PTPRD: variants seen among roughly 807,000 people sequenced by gnomAD.
The protein encoded by PTPRD is protein tyrosine phosphatase receptor type D.
In PTPRD, 34 loss-of-function variants were observed where a neutral mutation model predicts 214.5. The ratio of observed to expected loss-of-function variants is 0.16; its 90% CI spans 0.12 to 0.21. The LOEUF (loss-of-function observed/expected upper bound fraction) is 0.21, where lower values mean the gene tolerates loss of function less well. PTPRD is among the 10% of genes least tolerant of loss of function. The probability of loss-of-function intolerance (pLI) is 1.00; values close to 1 mark genes in which losing one functional copy is unlikely to be tolerated. For synonymous variants in PTPRD, 1,128 were observed against 845.7 expected (o/e 1.33, Z -5.79); for missense variants, 2,545 against 2,398.7 (o/e 1.06, Z -1.27).
Position 10,345,331 on chromosome 9 carries a change from T to C in PTPRD, c.-599-4314A>G, listed in dbSNP as rs140638514. 5.4e-3 allele frequency among the ~76,000 whole-genome samples: 822 copies of C among 152,266 alleles called. 14 individuals are homozygous for C. The highest frequency in any genetic ancestry group is 0.038 in the Admixed American group (585 of 15,276). On this transcript the variant is annotated intron_variant, in intron 2 of 45. Transcript: ENST00000381196. Reference sequence around the variant, plus strand: ...TGGGATATATGGCAGGTTTGTTACATAGGTATACACATGCCATCGTGGTTT... The same window carrying C: ...TGGGATATATGGCAGGTTTGTTACACAGGTATACACATGCCATCGTGGTTT...
chr9:9,311,360 G>A (rs992481455), intron 9 of PTPRD, among the ~76,000 whole-genome samples: 1 of 152,202 alleles, frequency 6.6e-6, no homozygotes, highest in South Asian at 2.1e-4. Context: ...TGAATATTAT[G>A]TACAGCTACC....
At chr9:10,259,886 A>T (rs1178296468) in intron 3 of PTPRD, among the ~76,000 whole-genome samples, 2 of 151,618 alleles carry the variant, frequency 1.3e-5, no homozygotes, top group African/African-American at 4.9e-5. Flanking sequence ...TCCTGCATGA[A>T]CTCCCTCTGT....
chr9:9,234,694 C>T (rs564974138), intron 9 of PTPRD, among the ~76,000 whole-genome samples: 2 of 152,284 alleles, frequency 1.3e-5, no homozygotes, highest in African/African-American at 4.8e-5. Flanking sequence ...GGGCAAAATG[C>T]CTTCAGTCTC....
intron 11 of PTPRD, among the ~76,000 whole-genome samples, chr9:8,801,851 T>C (rs891319172): frequency 3.3e-5 from 5 of 152,228 alleles, no homozygotes; most frequent in Non-Finnish European, 7.3e-5. Flanking sequence ...TAACCCTTAA[T>C]GGTATTACCA....
At chr9:10,438,012 TA>T (rs1478505677) in intron 2 of PTPRD, among the ~76,000 whole-genome samples, 1 of 119,296 alleles carries the variant, frequency 8.4e-6, no homozygotes, top group African/African-American at 6.3e-5. Flanking sequence ...AGTCTACATA[TA>T]TATATATATA....
intron 12 of PTPRD, among the ~76,000 whole-genome samples, chr9:8,689,136 C>T (rs1314767490): frequency 1.3e-5 from 2 of 152,132 alleles, no homozygotes; most frequent in African/African-American, 4.8e-5. Flanking sequence ...CTCTGAGAAT[C>T]ATCCTTACAA....
intron 3 of PTPRD, among the ~76,000 whole-genome samples, chr9:10,300,221 T>A (rs1481286038): frequency 1.3e-5 from 2 of 152,162 alleles, no homozygotes; most frequent in Admixed American, 1.3e-4. Context: ...GAAGATTTGC[T>A]GGCAAGATGG....
At chr9:8,721,480 T>A (rs1009604265) in intron 12 of PTPRD, among the ~76,000 whole-genome samples, 2 of 151,678 alleles carry the variant, frequency 1.3e-5, no homozygotes, top group African/African-American at 4.8e-5. Flanking sequence ...ATTCAAGTAT[T>A]CAAGTGAAAG....
At chr9:9,649,349 ACT>A (rs1255520513) in intron 7 of PTPRD, among the ~76,000 whole-genome samples, 3 of 152,122 alleles carry the variant, frequency 2.0e-5, no homozygotes, top group Admixed American at 2.0e-4. Context: ...TAATGTGTAC[ACT>A]CTATCTGTAA....
At chr9:8,714,870 ATTGT>A (rs1289776020) in intron 12 of PTPRD, among the ~76,000 whole-genome samples, 1 of 151,908 alleles carries the variant, frequency 6.6e-6, no homozygotes, top group African/African-American at 2.4e-5. Flanking sequence ...TATCAATTGT[ATTGT>A]TTATTATATT....
intron 2 of PTPRD, among the ~76,000 whole-genome samples, chr9:10,534,946 T>A (rs1005196320): frequency 6.6e-6 from 1 of 152,158 alleles, no homozygotes; most frequent in Admixed American, 6.6e-5. Flanking sequence ...AATAGCAACA[T>A]TGCAGCCCAC....
intron 14 of PTPRD, among the ~76,000 whole-genome samples, chr9:8,596,408 A>C (rs900727253): frequency 1.3e-5 from 2 of 152,070 alleles, no homozygotes; most frequent in African/African-American, 4.8e-5. Context: ...AAAGATGCTT[A>C]ATATACTACA....
At chr9:8,598,021 G>T (rs1699599600) in intron 14 of PTPRD, among the ~76,000 whole-genome samples, 3 of 152,090 alleles carry the variant, frequency 2.0e-5, no homozygotes, top group African/African-American at 2.4e-5. Flanking sequence ...AAAGAAGATA[G>T]GGGTCTTTTT....
rs200142612 is a variant in PTPRD at position 8,948,406 on chromosome 9, A to AAT, written c.-104+70289_-104+70290dup. 2.4e-3 allele frequency among the ~76,000 whole-genome samples: 139 copies of AAT among 57,116 alleles called. 8 individuals carry two copies. Among genetic ancestry groups the AAT allele is most frequent in the African/African-American group, 8.2e-3 (123 of 15,012 alleles). 37.5% of individuals were successfully genotyped at this position (57,116 alleles called of 152,430 possible). A position where few individuals can be genotyped will look rare whatever the true frequency, so the allele number is the denominator to read the frequency against. On this transcript the variant is annotated intron_variant, in intron 11 of 45. Transcript: ENST00000381196. ...TTATTGGTATGTCCATTGGGTTTAAAATATATATATATATATATTTATATA... is the reference window on the plus strand; with the variant it reads ...TTATTGGTATGTCCATTGGGTTTAAAATATATATATATATATATATTTATATA...
chr9:9,513,168 A>T (rs2154247009), intron 8 of PTPRD, among the ~76,000 whole-genome samples: 1 of 152,044 alleles, frequency 6.6e-6, no homozygotes, highest in Non-Finnish European at 1.5e-5. Flanking sequence ...AAATGGCCAC[A>T]GTCTTTTCAA....
At chr9:8,632,995 C>G (rs1373012657) in intron 14 of PTPRD, among the ~76,000 whole-genome samples, 1 of 151,870 alleles carries the variant, frequency 6.6e-6, no homozygotes, top group East Asian at 1.9e-4. Flanking sequence ...AAAATCCATG[C>G]ACGAGTAATG....
At position 9,805,387 on chromosome 9, in the gene PTPRD, G is replaced by A. The variant is rs185830553; in HGVS notation, c.-367-38536C>T. Among the ~76,000 whole-genome samples, 621 of 152,204 alleles carry A rather than the reference G, an allele frequency of 4.1e-3. 5 individuals are homozygous for A. The highest frequency in any genetic ancestry group is 0.014 in the African/African-American group (599 of 41,534). ...TGTCAATTAAGTGACCGGTTAGGAA[G>A]CAACAGTATTAGAAAAGAGGAAGAG... On this transcript the variant is annotated intron_variant, in intron 5 of 45. Coordinates refer to ENST00000381196, the MANE Select transcript of PTPRD (RefSeq NM_002839.4).
chr9:8,714,820 T>C (rs2098413457), intron 12 of PTPRD, among the ~76,000 whole-genome samples: 1 of 152,172 alleles, frequency 6.6e-6, no homozygotes, highest in South Asian at 2.1e-4. Context: ...CCCACCATAA[T>C]ACTTAGGTCA....
At chr9:8,536,756 C>A (rs1036411054) in intron 14 of PTPRD, among the ~76,000 whole-genome samples, 1 of 151,954 alleles carries the variant, frequency 6.6e-6, no homozygotes, top group African/African-American at 2.4e-5. Context: ...TATAAGTAGA[C>A]CTAACATATC....
Sources: gnomAD v4.1 joint callset for allele counts (sites outside exome capture counted in the v4.1 genomes callset) on GRCh38, gnomAD v4.1.1 for gene constraint, MANE v1.5 for transcripts, NCBI Gene and HGNC (gene_info 2026-07-23, HGNC 2026-07-21) for gene names.